Variants in KCNIP4 observed in about 807,000 individuals in gnomAD.
KCNIP4 encodes the protein potassium voltage-gated channel interacting protein 4, also known as Kv channel-interacting protein 4.
A neutral mutation model predicts 34.0 loss-of-function variants in KCNIP4; 12 were observed. That is an observed-to-expected ratio of 0.35 (90% CI 0.23 to 0.57). KCNIP4 has a LOEUF of 0.57. Ranked by LOEUF, KCNIP4 falls within the 20% of genes least tolerant of loss-of-function variation. KCNIP4 has a pLI of 0.83. For synonymous variants in KCNIP4, 124 were observed against 102.2 expected, an observed-to-expected ratio of 1.21 and a Z score of -1.29; for missense variants, 238 against 311.7, an observed-to-expected ratio of 0.76 and a Z score of 1.78.
intron 1 of KCNIP4, among the ~76,000 whole-genome samples, chr4:21,712,530 G>A (rs1713812995): frequency 6.6e-6 from 1 of 152,134 alleles, no homozygotes. Context: ...TTTCCCCATA[G>A]CCAATGAGCA....
chr4:21,253,278 C>T (rs982044871), intron 1 of KCNIP4, among the ~76,000 whole-genome samples: 1 of 152,156 alleles, frequency 6.6e-6, no homozygotes, highest in African/African-American at 2.4e-5. Flanking sequence ...TTTGGCTCAC[C>T]AAGCTGTGTT....
chr4:21,601,246 A>G (rs1318733594), intron 1 of KCNIP4, among the ~76,000 whole-genome samples: 1 of 152,000 alleles, frequency 6.6e-6, no homozygotes, highest in Non-Finnish European at 1.5e-5. Flanking sequence ...TCCTTAAAAC[A>G]CTTTAATGTT....
chr4:21,725,650 C>T (rs1715142848), intron 1 of KCNIP4, among the ~76,000 whole-genome samples: 1 of 152,076 alleles, frequency 6.6e-6, no homozygotes, highest in African/African-American at 2.4e-5. Context: ...TCTACCTTAC[C>T]TTCTCTGTAA....
intron 1 of KCNIP4, among the ~76,000 whole-genome samples, chr4:21,901,572 A>G (rs1425304457): frequency 1.3e-5 from 2 of 152,242 alleles, no homozygotes; most frequent in African/African-American, 4.8e-5. Context: ...TGGGGGCTGG[A>G]ATTATGGGTG....
At chr4:21,363,967 C>T (rs959345632) in intron 1 of KCNIP4, among the ~76,000 whole-genome samples, 2 of 152,078 alleles carry the variant, frequency 1.3e-5, no homozygotes, top group African/African-American at 2.4e-5. Context: ...TCTGATAAAG[C>T]ATGAGTGTTT....
At chr4:21,398,843 A>G (rs952115503) in intron 1 of KCNIP4, among the ~76,000 whole-genome samples, 1 of 152,154 alleles carries the variant, frequency 6.6e-6, no homozygotes, top group Non-Finnish European at 1.5e-5. Flanking sequence ...ACTAGAAAAG[A>G]CTTAAGAAAT....
intron 1 of KCNIP4, among the ~76,000 whole-genome samples, chr4:21,803,138 C>T (rs939655934): frequency 2.0e-5 from 3 of 152,068 alleles, no homozygotes; most frequent in Admixed American, 6.6e-5. Context: ...AGGTTTTTGA[C>T]GTTAGTAAAG....
chr4:21,197,906 T>C lies in KCNIP4; in HGVS notation c.62-315197A>G, dbSNP rs138449233. Among the ~76,000 whole-genome samples, 446 of 152,298 alleles carry C rather than the reference T, an allele frequency of 2.9e-3. 2 individuals are homozygous for C. Among genetic ancestry groups the C allele is most frequent in the Middle Eastern group, 0.01 (3 of 294 alleles). On this transcript the variant is annotated intron_variant, in intron 1 of 8. Coordinates refer to ENST00000382152, the MANE Select transcript of KCNIP4 (RefSeq NM_025221.6). ...CACAAGTATGCTTGAGTTTCAGTAA[T>C]AAGTCAATAAAACCTAAATATATTG...
At chr4:21,138,609 C>T (rs1751698347) in intron 1 of KCNIP4, among the ~76,000 whole-genome samples, 1 of 151,904 alleles carries the variant, frequency 6.6e-6, no homozygotes, top group African/African-American at 2.4e-5. Flanking sequence ...TGTCCAAGAA[C>T]TAGTCCCCAA....
intron 1 of KCNIP4, among the ~76,000 whole-genome samples, chr4:21,588,869 C>T (rs1741878501): frequency 6.6e-6 from 1 of 151,462 alleles, no homozygotes; most frequent in African/African-American, 2.4e-5. Context: ...AAGGATTCTG[C>T]AACCATCACT....
intron 1 of KCNIP4, among the ~76,000 whole-genome samples, chr4:20,952,612 A>C (rs980446430): frequency 2.8e-4 from 42 of 152,240 alleles, no homozygotes; most frequent in Non-Finnish European, 4.6e-4. Flanking sequence ...ATTAATAGAA[A>C]GCATAACTTT....
At chr4:20,971,774 C>T (rs1186371391) in intron 1 of KCNIP4, among the ~76,000 whole-genome samples, 1 of 152,184 alleles carries the variant, frequency 6.6e-6, no homozygotes, top group East Asian at 1.9e-4. Context: ...AAATTTGCCT[C>T]ATTGATTGAA....
At chr4:21,302,933 AAACAT>A (rs1022043935) in intron 1 of KCNIP4, among the ~76,000 whole-genome samples, 1 of 152,226 alleles carries the variant, frequency 6.6e-6, no homozygotes, top group Non-Finnish European at 1.5e-5. Context: ...GAAAATATCT[AAACAT>A]AACTACGTCA....
At chr4:21,393,195 C>G (rs1000693626) in intron 1 of KCNIP4, among the ~76,000 whole-genome samples, 1 of 152,122 alleles carries the variant, frequency 6.6e-6, no homozygotes, top group Admixed American at 6.6e-5. Context: ...TTTCAAATGT[C>G]CATCAGAATA....
intron 1 of KCNIP4, among the ~76,000 whole-genome samples, chr4:21,202,101 C>T (rs1756541386): frequency 2.0e-5 from 3 of 152,312 alleles, no homozygotes; most frequent in South Asian, 4.1e-4. Context: ...TTTGACCCAA[C>T]AGTCCCATTA....
intron 1 of KCNIP4, among the ~76,000 whole-genome samples, chr4:21,831,401 T>A (rs531868174): frequency 6.6e-6 from 1 of 151,376 alleles, no homozygotes; most frequent in South Asian, 2.1e-4. Flanking sequence ...CTGACAAACA[T>A]TTAGCTAGGT....
intron 1 of KCNIP4, among the ~76,000 whole-genome samples, chr4:21,898,314 G>C (rs1244209420): frequency 6.6e-6 from 1 of 152,134 alleles, no homozygotes; most frequent in Non-Finnish European, 1.5e-5. Context: ...GAGCAGCCAA[G>C]GGAATGATTG....
chr4:21,243,487 C>T (rs149522726), intron 1 of KCNIP4, among the ~76,000 whole-genome samples: 122 of 152,282 alleles, frequency 8.0e-4, no homozygotes, highest in African/African-American at 2.8e-3. Flanking sequence ...TATAACTGGG[C>T]TTATCCTCAG....
intron 1 of KCNIP4, among the ~76,000 whole-genome samples, chr4:21,173,655 A>G (rs1453062507): frequency 3.3e-5 from 5 of 152,178 alleles, no homozygotes; most frequent in African/African-American, 1.2e-4. Context: ...GCCCAAGGTC[A>G]TAGCCTCTTT....
Sources: allele counts gnomAD v4.1 joint callset (sites outside exome capture counted in the v4.1 genomes callset), GRCh38; gene constraint gnomAD v4.1.1; transcripts MANE v1.5; gene names NCBI Gene and HGNC (gene_info 2026-07-23, HGNC 2026-07-21).